CNKSR1: variants seen among roughly 807,000 people sequenced by gnomAD.
CNKSR1 encodes the protein CNK homolog protein 1.
CNKSR1 carries 88 observed loss-of-function variants against 95.6 expected under a neutral mutation model. The observed-to-expected ratio is 0.92, with a 90% CI of 0.78 to 1.10. The LOEUF (loss-of-function observed/expected upper bound fraction) is 1.10. CNKSR1 is among the 50% of genes least tolerant of loss of function. CNKSR1 has a pLI of 0.00. For missense variants in CNKSR1, 836 were observed against 912.0 expected (o/e 0.92, Z 1.07); for synonymous variants, 355 against 369.7 (o/e 0.96, Z 0.46).
chr1:26,183,293 G>C (rs760179518), intron 7 of CNKSR1, 37 bp downstream of exon 7: 4 of 1,613,906 alleles, frequency 2.5e-6, no homozygotes, highest in Non-Finnish European at 3.4e-6. Context: ...GCCCATCCCC[G>C]AGGCCTCTCA....
At position 26,187,154 on chromosome 1, in the gene CNKSR1, T is replaced by A; in HGVS notation, c.1309-14T>A. The stretch of plus-strand genomic sequence containing the variant: ...TGGGGTTCCAACCTGACCCTCATGC[T>A]GTGATCCCCCCAGGATGAGAAGGCT... On this transcript the variant is annotated splice_polypyrimidine_tract_variant and intron_variant, in intron 14 of 20. Transcript: ENST00000361530. 6.2e-7 allele frequency: 1 copy of A among 1,612,428 alleles called. No individual in the cohort carries two copies. The highest frequency in any genetic ancestry group is 8.5e-7 in the Non-Finnish European group (1 of 1,178,554).
chr1:26,184,267 G>T lies in CNKSR1; in HGVS notation c.980G>T (p.Gly327Val). The T allele has an allele frequency of 6.2e-7, 1 of 1,613,636 alleles. No individual in the cohort carries two copies. Among genetic ancestry groups the T allele is most frequent in the Non-Finnish European group, 8.5e-7 (1 of 1,179,930 alleles). The change falls in exon 11 of 21, where the codon GGA (glycine) becomes GTA (valine). Residue 327 changes from glycine to valine, a missense_variant. Physicochemically the swap from Gly to Val is moderately radical, Grantham distance 109. Transcript: ENST00000361530. ...AFDLSSNPSP[G>V]PSPAWTDSAS... ...GACCTGTCTTCAAACCCCAGTCCCG[G>T]ACCCAGCCCTGCCTGGACAGGTAGT...
At chr1:26,188,115 G>A in intron 16 of CNKSR1, 119 bp from the exon 17 acceptor site, 1 of 861,832 alleles carries the variant, frequency 1.2e-6, no homozygotes, top group Non-Finnish European at 1.9e-6. Context: ...GTGACTAAGA[G>A]TTCATCCCTC....
rs140239583 is a variant in CNKSR1 at position 26,182,558 on chromosome 1, G to A, written c.598G>A (p.Glu200Lys). 1.5e-4 allele frequency: 239 copies of A among 1,613,288 alleles called. No individual in the cohort carries two copies. The African/African-American group carries it at 2.7e-3, about 18-fold the overall frequency. Residue 200 changes from glutamate (E) to lysine (K), a missense_variant, in exon 6 of 21, where the codon GAG (glutamate) becomes AAG (lysine). Coordinates refer to ENST00000361530, the MANE Select transcript of CNKSR1 (RefSeq NM_006314.3). ...GCTGCTGGAACAGAAGGCCGTGCTC[G>A]AGCAGGTGCAGCTGGACAGTCCATT... The part of the protein sequence containing the change: ...KELLEQKAVL[E>K]QVQLDSPLGL...
chr1:26,189,037 C>A, intron 20 of CNKSR1, 84 bp downstream of exon 20: 2 of 1,266,540 alleles, frequency 1.6e-6, no homozygotes, highest in Non-Finnish European at 2.1e-6. Context: ...CCACCCTGGG[C>A]ACCAGACTCC....
Position 26,189,424 on chromosome 1 carries a change from G to A in CNKSR1, c.2018G>A (p.Ser673Asn), listed in dbSNP as rs1442876175. 2 of 1,614,124 alleles carry A rather than the reference G, an allele frequency of 1.2e-6. No homozygotes were observed. The highest frequency in any genetic ancestry group is 2.2e-5 in the East Asian group (1 of 44,882). The change falls in exon 21 of 21, where the codon AGC (serine) becomes AAC (asparagine). Residue 673 changes from serine to asparagine, a missense_variant. Transcript: ENST00000361530. ...GAWGVAQAEG[S>N]SHILTSDSTE... ...TGGGGAGTGGCACAGGCTGAAGGCA[G>A]CTCCCACATCTTGACCTCTGACTCC...
At position 26,182,376 on chromosome 1, in the gene CNKSR1, GAGA is replaced by G; in HGVS notation, c.496_498del (p.Lys166del). 7 of 1,614,104 alleles carry G rather than the reference GAGA, an allele frequency of 4.3e-6. No individual in the cohort carries two copies. The highest frequency in any genetic ancestry group is 1.1e-5 in the South Asian group (1 of 91,078). ...CTACTTCCAGGATGGTCCAGCGGCTGAGAAGGAGGGCACAGTCCTGAGGATCGT... is the reference window on the plus strand; with the variant it reads ...CTACTTCCAGGATGGTCCAGCGGCTGAGGAGGGCACAGTCCTGAGGATCGT... On this transcript the variant is annotated inframe_deletion, in exon 5 of 21. Coordinates refer to ENST00000361530, the MANE Select transcript of CNKSR1 (RefSeq NM_006314.3).
chr1:26,185,672 G>A (rs150298065), intron 14 of CNKSR1, among the ~76,000 whole-genome samples: 1,888 of 152,008 alleles, frequency 0.012, 46 homozygotes, highest in African/African-American at 0.043. Context: ...GATTACAGGC[G>A]TGAGCCACCA....
In CNKSR1 at chr1:26,189,427, C is replaced by G. The variant is rs2088825553; in HGVS notation, c.2021C>G (p.Ser674Cys). The G allele has an allele frequency of 6.2e-7, 1 of 1,614,128 alleles. No homozygotes were observed. The highest frequency in any genetic ancestry group is 1.1e-5 in the South Asian group (1 of 91,082). ...GGAGTGGCACAGGCTGAAGGCAGCT[C>G]CCACATCTTGACCTCTGACTCCACA... The part of the protein sequence containing the change: ...AWGVAQAEGS[S>C]HILTSDSTEQ... Residue 674 changes from serine to cysteine, a missense_variant, in exon 21 of 21, where the codon TCC becomes TGC. Transcript: ENST00000361530.
At chr1:26,178,111 G>C (rs971810770) in intron 1 of CNKSR1, among the ~76,000 whole-genome samples, 6 of 152,224 alleles carry the variant, frequency 3.9e-5, no homozygotes, top group Non-Finnish European at 8.8e-5. Flanking sequence ...GGACCCAGAA[G>C]GGGGCCCCTC....
At position 26,182,579 on chromosome 1, in the gene CNKSR1, C is replaced by A; in HGVS notation, c.619C>A (p.Pro207Thr). 6.2e-7 allele frequency: 1 copy of A among 1,612,204 alleles called. No homozygotes were observed. The highest frequency in any genetic ancestry group is 8.5e-7 in the Non-Finnish European group (1 of 1,179,642). ...AVLEQVQLDS[P>T]LGLEIHTTSN... is the part of the protein sequence containing the mutation. ...GCTCGAGCAGGTGCAGCTGGACAGT[C>A]CATTGGTGAGCCCTGCCCTCCCACC... The change falls in exon 6 of 21, where the codon CCA (proline) becomes ACA (threonine). Residue 207 changes from proline (P) to threonine (T), a missense_variant. Physicochemically the swap from Pro to Thr is conservative, Grantham distance 38. Transcript: ENST00000361530.
Position 26,188,201 on chromosome 1 carries a change from G to A in CNKSR1, c.1455-33G>A, listed in dbSNP as rs139591035. ...AGCATACAAGAGGGCCCCAGTGGAT[G>A]GAAACCCTGTGAGACCTGCTTGCTC... On this transcript the variant is annotated intron_variant, in intron 16 of 20. Coordinates refer to ENST00000361530, the MANE Select transcript of CNKSR1 (RefSeq NM_006314.3). The A allele has an allele frequency of 7.0e-4, 1,127 of 1,599,870 alleles. 7 individuals are homozygous for A. The African/African-American group carries it at 0.012, about 16-fold the overall frequency.
Position 26,177,656 on chromosome 1 carries a change from G to A in CNKSR1, c.52+57G>A, listed in dbSNP as rs951614753. 7.5e-6 allele frequency: 12 copies of A among 1,592,962 alleles called. No homozygotes were observed. The East Asian group carries it at 8.9e-5, about 12-fold the overall frequency. ...AGGGGACTAGGTGTGGTGTCCCACCGGGAAGCGGGAGGAGAGGAAAAGGAA... is the reference window on the plus strand; with the variant it reads ...AGGGGACTAGGTGTGGTGTCCCACCAGGAAGCGGGAGGAGAGGAAAAGGAA... On this transcript the variant is annotated intron_variant, in intron 1 of 20. Coordinates refer to ENST00000361530, the MANE Select transcript of CNKSR1 (RefSeq NM_006314.3).
rs780435196 is a variant in CNKSR1, at chr1:26,180,547, G to A, written c.147G>A (p.Leu49=). Residue 49 remains leucine (L), a synonymous_variant, in exon 2 of 21, where the codon CTG becomes CTA. Transcript: ENST00000361530. The part of the protein sequence containing the change: ...LQLCPQSLEA[L]AVRSLGHQEL... Reference sequence around the variant, plus strand: ...TCTGCCCCCAAAGCCTCGAGGCTCTGGCTGTGCGGTCTCTGGGACACCAGG... The same window carrying A: ...TCTGCCCCCAAAGCCTCGAGGCTCTAGCTGTGCGGTCTCTGGGACACCAGG... 1.4e-5 allele frequency: 23 copies of A among 1,614,218 alleles called. No homozygotes were observed. The highest frequency in any genetic ancestry group is 1.9e-5 in the Non-Finnish European group (23 of 1,180,042).
Position 26,182,369 on chromosome 1 carries a change from A to G in CNKSR1, c.486A>G (p.Pro162=). 1 of 1,613,970 alleles carries G rather than the reference A, an allele frequency of 6.2e-7. No individual in the cohort carries two copies. Among genetic ancestry groups the G allele is most frequent in the Non-Finnish European group, 8.5e-7 (1 of 1,179,946 alleles). Residue 162 remains proline (P), a synonymous_variant, in exon 5 of 21, where the codon CCA becomes CCG. Transcript: ENST00000361530. ...ELSQVLHEDG[P]AAEKEGTVLR... ...TCTCATTCTACTTCCAGGATGGTCC[A>G]GCGGCTGAGAAGGAGGGCACAGTCC... is the stretch of plus-strand genomic sequence containing the variant.
chr1:26,180,084 C>A (rs923182688), intron 1 of CNKSR1: 2 of 335,792 alleles, frequency 6.0e-6, no homozygotes, highest in African/African-American at 2.2e-5. Flanking sequence ...TGCAGTGAGC[C>A]GTGACTGTGT....
rs539189746 is a variant in CNKSR1, at chr1:26,188,391, C to T, written c.1529-51C>T. 7 of 1,607,682 alleles carry T rather than the reference C, an allele frequency of 4.4e-6. No individual in the cohort carries two copies. The East Asian group carries it at 1.1e-4, about 26-fold the overall frequency. ...GGATGGGGGCTAGGAACTCAAATGC[C>T]CTAGGCCACTCCCTGGCCTCCCAAA... On this transcript the variant is annotated intron_variant, in intron 17 of 20. Transcript: ENST00000361530.
intron 8 of CNKSR1, 109 bp downstream of exon 8, chr1:26,183,523 C>A: frequency 7.9e-7 from 1 of 1,262,688 alleles, no homozygotes; most frequent in Non-Finnish European, 1.1e-6. Flanking sequence ...TGGGAGCTGC[C>A]TTCCAGGAGA....
chr1:26,187,223 A>G lies in CNKSR1; in HGVS notation c.1364A>G (p.His455Arg). 1 of 1,613,918 alleles carries G rather than the reference A, an allele frequency of 6.2e-7. No individual in the cohort carries two copies. The highest frequency in any genetic ancestry group is 8.5e-7 in the Non-Finnish European group (1 of 1,179,754). Residue 455 changes from histidine to arginine, a missense_variant, in exon 15 of 21, where the codon CAT (histidine) becomes CGT (arginine). Coordinates refer to ENST00000361530, the MANE Select transcript of CNKSR1 (RefSeq NM_006314.3). ...TCCAACTATAGTCTGGAAAGTGGAC[A>G]TGATCAGAAGAAGAAATAGTTAAGT... The part of the protein sequence containing the change: ...NVSNYSLESG[H>R]DQKKKYVFQL...
Sources: allele counts gnomAD v4.1 joint callset (sites outside exome capture counted in the v4.1 genomes callset), GRCh38; gene constraint gnomAD v4.1.1; transcripts MANE v1.5; gene names NCBI Gene and HGNC (gene_info 2026-07-23, HGNC 2026-07-21).